The following STX8 variants were observed in gnomAD, a reference collection of about 807,000 sequenced individuals.
STX8 encodes syntaxin-8.
A neutral mutation model predicts 37.5 loss-of-function variants in STX8; 23 were observed. That is an observed-to-expected ratio of 0.61 (90% CI 0.44 to 0.87). The LOEUF (loss-of-function observed/expected upper bound fraction) is 0.87. Ranked by LOEUF, STX8 falls within the 40% of genes least tolerant of loss-of-function variation. The pLI, the probability that STX8 is intolerant of heterozygous loss-of-function variation, is 0.00. For missense variants in STX8, 313 were observed against 284.7 expected, an observed-to-expected ratio of 1.10 and a Z score of -0.71; for synonymous variants, 115 against 99.1, an observed-to-expected ratio of 1.16 and a Z score of -0.95.
intron 4 of STX8, among the ~76,000 whole-genome samples, chr17:9,519,481 A>G (rs899468303): frequency 6.6e-6 from 1 of 152,060 alleles, no homozygotes. Context: ...CTTGGCTCAG[A>G]CACCCATCAC....
At chr17:9,542,980 G>T (rs1222142026) in intron 4 of STX8, among the ~76,000 whole-genome samples, 1 of 152,142 alleles carries the variant, frequency 6.6e-6, no homozygotes, top group Non-Finnish European at 1.5e-5. Flanking sequence ...CTGGTGGGAA[G>T]ACTTCAGAGG....
chr17:9,401,927 A>G (rs1015364637), intron 6 of STX8, among the ~76,000 whole-genome samples: 1 of 151,880 alleles, frequency 6.6e-6, no homozygotes, highest in Non-Finnish European at 1.5e-5. Flanking sequence ...CACTTCAGAC[A>G]TATTTTTTTA....
At position 9,429,955 on chromosome 17, in the gene STX8, TAA is replaced by T. The variant is rs1913851369; in HGVS notation, c.542-51304_542-51303del. On this transcript the variant is annotated intron_variant, in intron 6 of 7. Coordinates refer to ENST00000306357, the MANE Select transcript of STX8 (RefSeq NM_004853.3). ...TATATTATATAGAATATATTATATA[TAA>T]TATATATATTATATATTATATAGAA... 6.9e-4 allele frequency among the ~76,000 whole-genome samples: 3 copies of T among 4,376 alleles called. 1 individual carries two copies. Among genetic ancestry groups the T allele is most frequent in the African/African-American group, 2.0e-3 (1 of 494 alleles). 2.9% of individuals were successfully genotyped at this position (4,376 alleles called of 152,430 possible).
At chr17:9,438,978 C>T (rs1219062283) in intron 6 of STX8, among the ~76,000 whole-genome samples, 1 of 152,054 alleles carries the variant, frequency 6.6e-6, no homozygotes, top group Non-Finnish European at 1.5e-5. Flanking sequence ...ACAAACATGG[C>T]TGGTTTTTGT....
chr17:9,575,714 G>C (rs1907884680), intron 1 of STX8, 78 bp downstream of exon 1: 2 of 1,514,650 alleles, frequency 1.3e-6, no homozygotes, highest in Admixed American at 3.9e-5. Flanking sequence ...GCGGCAATGC[G>C]AAGTGATTGC....
At chr17:9,416,810 T>G (rs1313713149) in intron 6 of STX8, among the ~76,000 whole-genome samples, 1 of 152,190 alleles carries the variant, frequency 6.6e-6, no homozygotes, top group Non-Finnish European at 1.5e-5. Flanking sequence ...TCTGCTAAAA[T>G]GTACACAGTT....
At chr17:9,262,086 C>A (rs1286433994) in intron 7 of STX8, among the ~76,000 whole-genome samples, 2 of 152,184 alleles carry the variant, frequency 1.3e-5, no homozygotes, top group African/African-American at 4.8e-5. Flanking sequence ...TCTACAAAGG[C>A]AGGGCAGAGA....
chr17:9,549,842 G>T lies in STX8; in HGVS notation c.213-4560C>A, dbSNP rs150853964. ...GATCATCCAGGAAACAATCTATACA[G>T]CATGTATGTGGACAGGTGCGTAGCA... is the stretch of plus-strand genomic sequence containing the variant. On this transcript the variant is annotated intron_variant, in intron 3 of 7. Transcript: ENST00000306357. Among the ~76,000 whole-genome samples the T allele has an allele frequency of 3.7e-3, 569 of 152,264 alleles. 2 individuals carry two copies. The highest frequency in any genetic ancestry group is 5.6e-3 in the Non-Finnish European group (380 of 68,020).
intron 4 of STX8, among the ~76,000 whole-genome samples, chr17:9,521,625 C>A (rs937532412): frequency 6.6e-6 from 1 of 152,196 alleles, no homozygotes; most frequent in African/African-American, 2.4e-5. Context: ...CACTGAATAT[C>A]TTCTATGTAT....
intron 7 of STX8, among the ~76,000 whole-genome samples, chr17:9,320,224 T>G (rs1028661083): frequency 6.8e-6 from 1 of 147,860 alleles, no homozygotes; most frequent in African/African-American, 2.5e-5. Flanking sequence ...TCCCAGCTAC[T>G]GGGGAGGCTG....
intron 7 of STX8, among the ~76,000 whole-genome samples, chr17:9,310,310 T>C (rs1345551200): frequency 1.3e-5 from 2 of 152,190 alleles, no homozygotes; most frequent in Non-Finnish European, 2.9e-5. Context: ...CATTCCAAAA[T>C]ACAGCAGTGC....
chr17:9,277,592 C>T (rs558327199), intron 7 of STX8, among the ~76,000 whole-genome samples: 11 of 152,254 alleles, frequency 7.2e-5, no homozygotes, highest in African/African-American at 2.6e-4. Context: ...GGGAGTCAGA[C>T]ATTCAAACAA....
At chr17:9,513,821 G>T (rs1193711747) in intron 4 of STX8, among the ~76,000 whole-genome samples, 1 of 152,124 alleles carries the variant, frequency 6.6e-6, no homozygotes, top group Non-Finnish European at 1.5e-5. Context: ...CATACACAAC[G>T]GAATACAATT....
chr17:9,414,980 G>A (rs893216356), intron 6 of STX8, among the ~76,000 whole-genome samples: 3 of 151,664 alleles, frequency 2.0e-5, no homozygotes, highest in Non-Finnish European at 4.4e-5. Flanking sequence ...TAGTAGAGAT[G>A]GGGTTTCACC....
intron 7 of STX8, among the ~76,000 whole-genome samples, chr17:9,309,374 G>T (rs559450372): frequency 1.6e-4 from 25 of 152,226 alleles, no homozygotes; most frequent in African/African-American, 5.5e-4. Context: ...TTAACTCAGG[G>T]CTTCTTCTTG....
At chr17:9,568,875 G>T (rs1168287492) in intron 1 of STX8, among the ~76,000 whole-genome samples, 3 of 152,322 alleles carry the variant, frequency 2.0e-5, no homozygotes, top group African/African-American at 7.2e-5. Context: ...CAAACAGAGG[G>T]GAAGAATAAT....
intron 4 of STX8, among the ~76,000 whole-genome samples, chr17:9,522,539 TCCAAAAAAAAAA>T (rs1421087985): frequency 8.9e-6 from 1 of 112,578 alleles, no homozygotes; most frequent in African/African-American, 3.9e-5. Context: ...CTACTAAAAA[TCCAAAAAAAAAA>T]AAAAAAAAAA....
At chr17:9,332,088 C>T (rs1240877655) in intron 7 of STX8, among the ~76,000 whole-genome samples, 1 of 152,158 alleles carries the variant, frequency 6.6e-6, no homozygotes, top group East Asian at 1.9e-4. Flanking sequence ...TATTAGCTGA[C>T]CTTCATTTTG....
chr17:9,349,301 A>C (rs1307228597), intron 7 of STX8, among the ~76,000 whole-genome samples: 1 of 149,340 alleles, frequency 6.7e-6, no homozygotes, highest in Non-Finnish European at 1.5e-5. Flanking sequence ...CCGGCCGATA[A>C]ATTTATTTTC....
Sources: allele counts gnomAD v4.1 joint callset (sites outside exome capture counted in the v4.1 genomes callset), GRCh38; gene constraint gnomAD v4.1.1; transcripts MANE v1.5; gene names NCBI Gene and HGNC (gene_info 2026-07-23, HGNC 2026-07-21).